Variants in MCTP1 observed in about 807,000 individuals in gnomAD.
MCTP1 encodes the protein multiple C2 and transmembrane domain-containing protein 1.
MCTP1 carries 69 observed loss-of-function variants against 120.6 expected under a neutral mutation model. The observed-to-expected ratio is 0.57, with a 90% confidence interval of 0.47 to 0.70. The LOEUF is 0.70. Among genes scored for constraint, MCTP1 ranks in the 30% least tolerant of loss-of-function variants. The pLI is 0.00. For synonymous variants in MCTP1, 529 were observed against 493.1 expected (o/e 1.07, Z -0.96); for missense variants, 1,203 against 1,248.8 (o/e 0.96, Z 0.55).
At chr5:94,967,719 C>T (rs1415798668) in intron 2 of MCTP1, among the ~76,000 whole-genome samples, 2 of 152,150 alleles carry the variant, frequency 1.3e-5, no homozygotes, top group Non-Finnish European at 2.9e-5. Context: ...ATTATGATGG[C>T]GCAATATTTT....
intron 1 of MCTP1, among the ~76,000 whole-genome samples, chr5:95,194,940 A>G (rs1180517457): frequency 1.3e-5 from 2 of 152,200 alleles, no homozygotes; most frequent in Non-Finnish European, 2.9e-5. Context: ...TTGGGAGCAG[A>G]GACCTTGGCA....
intron 2 of MCTP1, among the ~76,000 whole-genome samples, chr5:94,997,965 G>T (rs1255458643): frequency 6.6e-6 from 1 of 151,954 alleles, no homozygotes; most frequent in Non-Finnish European, 1.5e-5. Context: ...ATTTTTTAAA[G>T]AAGCTTATGT....
intron 2 of MCTP1, among the ~76,000 whole-genome samples, chr5:94,974,186 A>G (rs1827525074): frequency 6.6e-6 from 1 of 152,204 alleles, no homozygotes; most frequent in Non-Finnish European, 1.5e-5. Flanking sequence ...CTCTGATTTC[A>G]TATGTGGAAT....
rs775693281 is a variant in MCTP1, at chr5:94,707,532, A to C, written c.2964T>G (p.His988Gln). 1.2e-6 allele frequency: 2 copies of C among 1,611,988 alleles called. No individual in the cohort carries two copies. Among genetic ancestry groups the C allele is most frequent in the Admixed American group, 3.3e-5 (2 of 59,888 alleles). Residue 988 changes from histidine to glutamine, a missense_variant, in exon 23 of 23, where the codon CAT (histidine) becomes CAG (glutamine). Physicochemically the swap from His to Gln is conservative, Grantham distance 24. Transcript: ENST00000515393. Reference protein sequence around the residue: ...QYQELKPDPSHSPYKRKKNNL... With the variant: ...QYQELKPDPSQSPYKRKKNNL... ...TGTTTTTCTTTCTTTTATATGGGCTATGAGAAGGATCTGGTTTCAGTTCTT... is the reference window on the plus strand; with the variant it reads ...TGTTTTTCTTTCTTTTATATGGGCTCTGAGAAGGATCTGGTTTCAGTTCTT...
chr5:95,209,325 C>T (rs1283507131), intron 1 of MCTP1, among the ~76,000 whole-genome samples: 1 of 152,220 alleles, frequency 6.6e-6, no homozygotes, highest in Admixed American at 6.5e-5. Context: ...ATAGTCTCAA[C>T]TTAGTCCATG....
chr5:94,736,355 T>A (rs945545888), intron 19 of MCTP1, among the ~76,000 whole-genome samples: 7 of 152,028 alleles, frequency 4.6e-5, no homozygotes, highest in Non-Finnish European at 1.0e-4. Context: ...TTGGGGTGCA[T>A]GCCTCTGGTC....
intron 1 of MCTP1, among the ~76,000 whole-genome samples, chr5:95,174,776 CTG>C (rs1171498931): frequency 6.6e-6 from 1 of 152,184 alleles, no homozygotes; most frequent in Non-Finnish European, 1.5e-5. Flanking sequence ...ACTCAATAAA[CTG>C]TTAATTACTA....
At chr5:94,707,685 T>A in intron 22 of MCTP1, 118 bp from the exon 23 acceptor site, 2 of 719,028 alleles carry the variant, frequency 2.8e-6, no homozygotes, top group Non-Finnish European at 2.5e-6. Context: ...CTAGAAGCTG[T>A]ATGGGATCTG....
intron 1 of MCTP1, among the ~76,000 whole-genome samples, chr5:95,066,902 A>G (rs920808934): frequency 5.9e-5 from 9 of 152,192 alleles, no homozygotes; most frequent in African/African-American, 2.2e-4. Context: ...ATAATGTGCG[A>G]TCTAGATCCC....
At chr5:94,849,662 T>C (rs1044357083) in intron 17 of MCTP1, among the ~76,000 whole-genome samples, 7 of 152,116 alleles carry the variant, frequency 4.6e-5, no homozygotes, top group African/African-American at 1.4e-4. Flanking sequence ...ATTGGACAGA[T>C]AGCCATGTTA....
chr5:95,256,765 G>T (rs901046994), intron 1 of MCTP1, among the ~76,000 whole-genome samples: 17 of 152,152 alleles, frequency 1.1e-4, no homozygotes, highest in Admixed American at 1.1e-3. Flanking sequence ...TTAGTTGCAG[G>T]GAGTAAGAGA....
At chr5:94,894,210 A>T (rs1803354877) in intron 11 of MCTP1, among the ~76,000 whole-genome samples, 1 of 152,256 alleles carries the variant, frequency 6.6e-6, no homozygotes, top group South Asian at 2.1e-4. Flanking sequence ...CTGAAAATAA[A>T]AATCATTCCT....
chr5:95,180,777 C>T (rs947634105), intron 1 of MCTP1, among the ~76,000 whole-genome samples: 1 of 152,192 alleles, frequency 6.6e-6, no homozygotes, highest in African/African-American at 2.4e-5. Context: ...CTCAACTTAT[C>T]ACATCTAAAG....
At chr5:94,798,301 G>A (rs140185590) in intron 18 of MCTP1, among the ~76,000 whole-genome samples, 5 of 152,222 alleles carry the variant, frequency 3.3e-5, no homozygotes, top group African/African-American at 1.2e-4. Flanking sequence ...ACAATCCAAG[G>A]GGAACAAAGC....
intron 1 of MCTP1, among the ~76,000 whole-genome samples, chr5:95,226,737 T>C (rs1754318145): frequency 1.3e-5 from 2 of 151,988 alleles, no homozygotes. Flanking sequence ...AGGAAGAAAA[T>C]CCAAATGTTC....
chr5:94,810,638 CA>C (rs1428452337), intron 17 of MCTP1, among the ~76,000 whole-genome samples: 1 of 152,166 alleles, frequency 6.6e-6, no homozygotes, highest in Admixed American at 6.5e-5. Flanking sequence ...TTTAGAAAAG[CA>C]GATGATCAAT....
chr5:95,191,686 C>T (rs1447471918), intron 1 of MCTP1, among the ~76,000 whole-genome samples: 1 of 151,980 alleles, frequency 6.6e-6, no homozygotes, highest in Non-Finnish European at 1.5e-5. Context: ...TATTCTTTCT[C>T]AAGTGGTCAA....
chr5:95,171,942 T>C (rs6880787), intron 1 of MCTP1, among the ~76,000 whole-genome samples: 2,291 of 152,298 alleles, frequency 0.015, 55 homozygotes, highest in African/African-American at 0.052. Flanking sequence ...GCTTGTTCCA[T>C]TGCTGGAGAG....
Position 94,953,358 on chromosome 5 carries a change from G to A in MCTP1, c.842C>T (p.Thr281Met), listed in dbSNP as rs766634369. Residue 281 changes from threonine (T) to methionine (M), a missense_variant, in exon 3 of 23, where the codon ACG becomes ATG. By Grantham distance (81) the Thr-to-Met change is moderately conservative. Coordinates refer to ENST00000515393, the MANE Select transcript of MCTP1 (RefSeq NM_024717.7). ...TTTAAACTTCACATATGGATCACTC[G>A]TCCCTGTTAAATAGATAGATTGATC... ...QSLAARDRGG[T>M]SDPYVKFKIG... 1.2e-5 allele frequency: 20 copies of A among 1,601,046 alleles called. No individual in the cohort carries two copies. Among genetic ancestry groups the A allele is most frequent in the African/African-American group, 1.1e-4 (8 of 74,454 alleles).
Sources: gnomAD v4.1 joint callset for allele counts (sites outside exome capture counted in the v4.1 genomes callset) on GRCh38, gnomAD v4.1.1 for gene constraint, MANE v1.5 for transcripts, NCBI Gene and HGNC (gene_info 2026-07-23, HGNC 2026-07-21) for gene names.